TMEM131L: variants seen among roughly 807,000 people sequenced by gnomAD.
TMEM131L encodes the protein transmembrane protein 131-like.
Under a neutral mutation model 192.2 loss-of-function variants are expected in TMEM131L, and 54 were observed. The observed-to-expected ratio is 0.28, with a 90% CI of 0.23 to 0.35. The LOEUF is 0.35. Among genes scored for constraint, TMEM131L ranks in the 10% least tolerant of loss-of-function variants. TMEM131L has a pLI of 1.00. For missense variants in TMEM131L, 1,888 were observed against 1,972.9 expected, an observed-to-expected ratio of 0.96 and a Z score of 0.82; for synonymous variants, 701 against 704.9, an observed-to-expected ratio of 0.99 and a Z score of 0.09.
intron 3 of TMEM131L, among the ~76,000 whole-genome samples, chr4:153,524,073 A>T (rs1735303336): frequency 6.6e-6 from 1 of 152,120 alleles, no homozygotes; most frequent in South Asian, 2.1e-4. Context: ...CCTGGCTGAG[A>T]ACTGATTTAC....
chr4:153,550,002 C>T (rs926275856), intron 3 of TMEM131L, 71 bp from the exon 4 acceptor site: 2 of 683,840 alleles, frequency 2.9e-6, no homozygotes, highest in Non-Finnish European at 4.8e-6. Context: ...AGTCATTAGT[C>T]TAAGTACGTT....
At chr4:153,632,882 G>T (rs914063170) in intron 32 of TMEM131L, 44 bp downstream of exon 32, 22 of 1,602,940 alleles carry the variant, frequency 1.4e-5, no homozygotes, top group Non-Finnish European at 1.9e-5. Flanking sequence ...TAGTCTAAGG[G>T]CTTGCAGTTG....
intron 23 of TMEM131L, among the ~76,000 whole-genome samples, chr4:153,603,095 T>C (rs1731961339): frequency 6.6e-6 from 1 of 152,228 alleles, no homozygotes; most frequent in African/African-American, 2.4e-5. Flanking sequence ...GGAATTGTAA[T>C]GTCAAATTTA....
chr4:153,627,724 G>C lies in TMEM131L; in HGVS notation c.4207+37G>C, dbSNP rs371494879. The C allele has an allele frequency of 1.6e-5, 25 of 1,536,000 alleles. No homozygotes were observed. The African/African-American group carries it at 2.7e-4, about 17-fold the overall frequency. On this transcript the variant is annotated intron_variant, in intron 31 of 34. Coordinates refer to ENST00000409959, the MANE Select transcript of TMEM131L (RefSeq NM_001131007.2). The stretch of plus-strand genomic sequence containing the variant: ...TCGTCTTGCTGCAGACATCAGCCAA[G>C]GGTTCTGTGCTGTCTGTATTCCTGG...
intron 19 of TMEM131L, among the ~76,000 whole-genome samples, chr4:153,594,454 CTCAG>C (rs1731289307): frequency 6.6e-6 from 1 of 152,318 alleles, no homozygotes; most frequent in South Asian, 2.1e-4. Flanking sequence ...TCAGTTTCCA[CTCAG>C]TCATTCCGTG....
intron 24 of TMEM131L, 101 bp downstream of exon 24, chr4:153,603,553 C>T (rs1731998044): frequency 1.5e-6 from 2 of 1,328,258 alleles, no homozygotes; most frequent in Non-Finnish European, 1.0e-6. Context: ...TTTGATTCTA[C>T]ATTTGCTTTC....
chr4:153,501,891 GGATTTCCCCTC>G (rs892087909), intron 3 of TMEM131L, among the ~76,000 whole-genome samples: 11 of 150,144 alleles, frequency 7.3e-5, no homozygotes, highest in Non-Finnish European at 1.3e-4. Flanking sequence ...AGCTAGAGTA[GGATTTCCCCTC>G]TACCTTTTCC....
intron 25 of TMEM131L, among the ~76,000 whole-genome samples, chr4:153,607,726 C>T (rs79878562): frequency 6.6e-6 from 1 of 152,192 alleles, no homozygotes; most frequent in Non-Finnish European, 1.5e-5. Flanking sequence ...GGCTTCCCCC[C>T]ACCCCCGGGT....
chr4:153,602,215 C>T lies in TMEM131L; in HGVS notation c.2330C>T (p.Pro777Leu), dbSNP rs201379215. The T allele has an allele frequency of 2.5e-6, 4 of 1,612,214 alleles. No homozygotes were observed. The highest frequency in any genetic ancestry group is 2.7e-5 in the African/African-American group (2 of 74,938). Residue 777 changes from proline (P) to leucine (L), a missense_variant, in exon 22 of 35, where the codon CCT becomes CTT. Pro to Leu is a moderately conservative substitution (Grantham distance 98). Coordinates refer to ENST00000409959, the MANE Select transcript of TMEM131L (RefSeq NM_001131007.2). The part of the protein sequence containing the change: ...TKNFKVENIG[P>L]LPITVSSLKI... ...AACTTTAAAGTTGAGAATATTGGAC[C>T]TCTTCCTATAACTGTTTCGTCTCTG...
intron 31 of TMEM131L, chr4:153,632,511 A>G (rs1734280647): frequency 1.8e-6 from 1 of 555,904 alleles, no homozygotes; most frequent in Non-Finnish European, 3.2e-6. Flanking sequence ...ATCCAGGTCA[A>G]GAGACAATCG....
intron 23 of TMEM131L, 62 bp from the exon 24 acceptor site, chr4:153,603,241 A>C: frequency 7.1e-7 from 1 of 1,415,078 alleles, no homozygotes; most frequent in South Asian, 1.4e-5. Context: ...CTGTAATGAA[A>C]CTAGTCTTTT....
In TMEM131L at chr4:153,571,261, G is replaced by A. The variant is rs180934748; in HGVS notation, c.661-9565G>A. On this transcript the variant is annotated intron_variant, in intron 7 of 34. Coordinates refer to ENST00000409959, the MANE Select transcript of TMEM131L (RefSeq NM_001131007.2). The stretch of plus-strand genomic sequence containing the variant: ...GCCCAGGCTCGGTTTATCTTGTCCT[G>A]CCTGGTTCTCCTTTAATGGTTTCCT... Among the ~76,000 whole-genome samples the A allele has an allele frequency of 4.5e-3, 687 of 152,214 alleles. 4 individuals are homozygous for A. The highest frequency in any genetic ancestry group is 0.015 in the African/African-American group (607 of 41,526).
chr4:153,539,378 T>C (rs528049152), intron 3 of TMEM131L, among the ~76,000 whole-genome samples: 51 of 152,312 alleles, frequency 3.3e-4, no homozygotes, highest in African/African-American at 1.2e-3. Flanking sequence ...TAGTAAATTA[T>C]ACTTTATGGG....
chr4:153,556,948 TGG>T lies in TMEM131L; in HGVS notation c.433-15_433-14del, dbSNP rs1189338138. 7.2e-6 allele frequency: 9 copies of T among 1,254,064 alleles called. No homozygotes were observed. The highest frequency in any genetic ancestry group is 1.0e-5 in the Non-Finnish European group (9 of 861,282). 77.7% of individuals were successfully genotyped at this position (1,254,064 alleles called of 1,614,324 possible). A position where few individuals can be genotyped will look rare whatever the true frequency, so the allele number is the denominator to read the frequency against. On this transcript the variant is annotated splice_polypyrimidine_tract_variant and intron_variant, in intron 5 of 34. Coordinates refer to ENST00000409959, the MANE Select transcript of TMEM131L (RefSeq NM_001131007.2). ...AAGGAGGCCATTCCAAGTGGCTGACTGGGGACCTTTCTTTCAGGTAATTCCAG... is the reference window on the plus strand; with the variant it reads ...AAGGAGGCCATTCCAAGTGGCTGACTGGACCTTTCTTTCAGGTAATTCCAG...
intron 20 of TMEM131L, among the ~76,000 whole-genome samples, chr4:153,597,192 G>A (rs12507192): frequency 0.021 from 3,207 of 151,816 alleles, 119 homozygotes; most frequent in Admixed American, 0.095. Flanking sequence ...TATTCATTAA[G>A]CATTTTAACT....
At chr4:153,618,762 T>C (rs187502312) in intron 26 of TMEM131L, among the ~76,000 whole-genome samples, 4 of 152,076 alleles carry the variant, frequency 2.6e-5, no homozygotes, top group Non-Finnish European at 4.4e-5. Flanking sequence ...GTCCTGTCCT[T>C]CTCTCTCTGG....
At chr4:153,485,554 T>C (rs1732271750) in intron 3 of TMEM131L, among the ~76,000 whole-genome samples, 1 of 152,190 alleles carries the variant, frequency 6.6e-6, no homozygotes, top group Admixed American at 6.5e-5. Flanking sequence ...TAGTAAATAA[T>C]TCATATTGAT....
chr4:153,604,198 A>G lies in TMEM131L; in HGVS notation c.3186A>G (p.Lys1062=), dbSNP rs552166817. ...NLLNKEENTL[K]NTIVFSNPSS... ...TGAATAAAGAAGAAAACACACTGAA[A>G]AACACAATTGTTTTCAGTAATCCTT... The change falls in exon 25 of 35, where the codon AAA becomes AAG. Residue 1062 remains lysine, a synonymous_variant. Coordinates refer to ENST00000409959, the MANE Select transcript of TMEM131L (RefSeq NM_001131007.2). 13 of 1,614,176 alleles carry G rather than the reference A, an allele frequency of 8.1e-6. 1 individual carries two copies. In the South Asian group the frequency reaches 1.2e-4, roughly 15 times the overall value.
At chr4:153,536,288 G>A (rs1370124943) in intron 3 of TMEM131L, among the ~76,000 whole-genome samples, 2 of 152,160 alleles carry the variant, frequency 1.3e-5, no homozygotes, top group African/African-American at 2.4e-5. Context: ...TCTTTCTTTT[G>A]CAGACATCTT....
Sources: gnomAD v4.1 joint callset for allele counts (sites outside exome capture counted in the v4.1 genomes callset) on GRCh38, gnomAD v4.1.1 for gene constraint, MANE v1.5 for transcripts, NCBI Gene and HGNC (gene_info 2026-07-23, HGNC 2026-07-21) for gene names.